Variants in PCDH11X observed in about 807,000 individuals in gnomAD.
The protein encoded by PCDH11X is protocadherin-11 X-linked.
A neutral mutation model predicts 53.3 loss-of-function variants in PCDH11X; 18 were observed. That is an observed-to-expected ratio of 0.34 (90% CI 0.23 to 0.50). PCDH11X has a LOEUF of 0.50. PCDH11X is among the 20% of genes least tolerant of loss of function. The pLI is 0.98. For missense variants in PCDH11X, 570 were observed against 1,032.4 expected, an observed-to-expected ratio of 0.55 and a Z score of 6.14; for synonymous variants, 279 against 393.3, an observed-to-expected ratio of 0.71 and a Z score of 3.44.
intron 9 of PCDH11X, among the ~76,000 whole-genome samples, chrX:92,418,905 G>A (rs1216053208): frequency 9.4e-6 from 1 of 106,532 alleles, no homozygotes; most frequent in South Asian, 4.3e-4. Flanking sequence ...CCTCTAACCA[G>A]TGCTTTCGTT....
At chrX:91,903,101 C>A (rs1941014584) in intron 6 of PCDH11X, among the ~76,000 whole-genome samples, 1 of 111,139 alleles carries the variant, frequency 9.0e-6, no homozygotes, top group African/African-American at 3.3e-5. Flanking sequence ...TTTGGTAAAG[C>A]TGTTATTTAA....
chrX:92,052,705 A>G lies in PCDH11X; in HGVS notation c.3034-148670A>G, dbSNP rs559661808. ...AAACCACAAGAAGCATTATATGTTA[A>G]CATCATCAATTTTCAGATATATTCT... is the stretch of plus-strand genomic sequence containing the variant. On this transcript the variant is annotated intron_variant, in intron 6 of 10. Coordinates refer to ENST00000682573, the MANE Select transcript of PCDH11X (RefSeq NM_032968.5). Among the ~76,000 whole-genome samples, 12 of 80,037 alleles carry G rather than the reference A, an allele frequency of 1.5e-4. 1 individual carries two copies. The South Asian group carries it at 9.6e-3, about 64-fold the overall frequency. The allele number at this position is 80,037 out of a possible 115,157, so 69.5% of individuals were successfully genotyped here. A position where few individuals can be genotyped will look rare whatever the true frequency, so the allele number is the denominator to read the frequency against.
chrX:92,103,710 G>T (rs1211457020), intron 6 of PCDH11X, among the ~76,000 whole-genome samples: 3 of 112,384 alleles, frequency 2.7e-5, no homozygotes, highest in Non-Finnish European at 5.6e-5. Context: ...AAGTTCCTGG[G>T]GGAGAAGGTT....
In PCDH11X at chrX:92,473,041, G is replaced by GTT. The variant is rs1436685896; in HGVS notation, c.3367+4729_3367+4730dup. On this transcript the variant is annotated intron_variant, in intron 10 of 10. Coordinates refer to ENST00000682573, the MANE Select transcript of PCDH11X (RefSeq NM_032968.5). ...GGCTGAAAAAATGTGTTTTTTGTTT[G>GTT]TTTTTTTTTTTAGATATAGGGTCAT... Among the ~76,000 whole-genome samples, 3 of 96,348 alleles carry GTT rather than the reference G, an allele frequency of 3.1e-5. 1 individual carries two copies. The highest frequency in any genetic ancestry group is 6.3e-5 in the Non-Finnish European group (3 of 47,765). 83.7% of individuals were successfully genotyped at this position (96,348 alleles called of 115,157 possible).
intron 5 of PCDH11X, 28 bp downstream of exon 5, chrX:91,836,072 A>T: frequency 8.6e-7 from 1 of 1,159,147 alleles, no homozygotes; most frequent in Non-Finnish European, 1.2e-6. Context: ...TTTGTTAAAG[A>T]TATCATCTCA....
In PCDH11X at chrX:92,232,965, G is replaced by A. The variant is rs768612885; in HGVS notation, c.3115-30149G>A. Among the ~76,000 whole-genome samples the A allele has an allele frequency of 1.4e-4, 16 of 111,096 alleles. No individual in the cohort carries two copies. In the South Asian group the frequency reaches 2.3e-3, roughly 16 times the overall value. ...CTCCCGACCTCCTGATCCGCCCACCGCGGCCTCCCAAAGTGCTGGGATTAC... is the reference window on the plus strand; with the variant it reads ...CTCCCGACCTCCTGATCCGCCCACCACGGCCTCCCAAAGTGCTGGGATTAC... On this transcript the variant is annotated intron_variant, in intron 7 of 10. Transcript: ENST00000682573.
intron 7 of PCDH11X, among the ~76,000 whole-genome samples, chrX:92,226,398 C>A (rs1306973334): frequency 1.8e-5 from 2 of 111,256 alleles, no homozygotes; most frequent in Non-Finnish European, 3.8e-5. Context: ...TTCTTCTTGT[C>A]CTGTCTATGC....
chrX:92,594,425 C>T (rs1162863754), intron 10 of PCDH11X, among the ~76,000 whole-genome samples: 1 of 110,218 alleles, frequency 9.1e-6, no homozygotes, highest in Admixed American at 9.7e-5. Context: ...CTTTTTTGGG[C>T]TGTATTTGCA....
At chrX:92,030,611 A>G (rs946264606) in intron 6 of PCDH11X, among the ~76,000 whole-genome samples, 3 of 109,348 alleles carry the variant, frequency 2.7e-5, no homozygotes, top group African/African-American at 1.0e-4. Context: ...TTTTTTACCC[A>G]TTAACCATCC....
At chrX:92,329,344 T>C (rs2069409270) in intron 8 of PCDH11X, among the ~76,000 whole-genome samples, 1 of 111,306 alleles carries the variant, frequency 9.0e-6, no homozygotes, top group South Asian at 3.8e-4. Flanking sequence ...ATGATAAGAC[T>C]GAATGCTTTT....
intron 9 of PCDH11X, among the ~76,000 whole-genome samples, chrX:92,449,773 G>T (rs1292189244): frequency 9.1e-6 from 1 of 110,250 alleles, no homozygotes. Context: ...CTCTTTGTTA[G>T]ACTCTCAGCT....
intron 9 of PCDH11X, among the ~76,000 whole-genome samples, chrX:92,447,915 C>T (rs771967967): frequency 1.2e-4 from 13 of 111,239 alleles, no homozygotes; most frequent in Admixed American, 3.8e-4. Flanking sequence ...CAGCATGACC[C>T]GGAAGTGAGA....
At chrX:92,207,797 C>CA (rs2066502825) in intron 7 of PCDH11X, among the ~76,000 whole-genome samples, 1 of 110,359 alleles carries the variant, frequency 9.1e-6, no homozygotes, top group Admixed American at 9.7e-5. Flanking sequence ...TGACTTCTGG[C>CA]AAAAAAGGAC....
At chrX:91,980,761 T>A (rs1275236387) in intron 6 of PCDH11X, among the ~76,000 whole-genome samples, 1 of 108,490 alleles carries the variant, frequency 9.2e-6, no homozygotes, top group Non-Finnish European at 1.9e-5. Flanking sequence ...TATAGAGCAT[T>A]TTATGTTGCT....
At chrX:92,156,244 C>A (rs770595866) in intron 6 of PCDH11X, among the ~76,000 whole-genome samples, 20 of 109,688 alleles carry the variant, frequency 1.8e-4, no homozygotes, top group Middle Eastern at 4.6e-3. Context: ...TCCTATCCGC[C>A]CCCCCATTCC....
intron 6 of PCDH11X, among the ~76,000 whole-genome samples, chrX:92,045,842 G>A (rs2063278448): frequency 9.2e-6 from 1 of 108,831 alleles, no homozygotes; most frequent in African/African-American, 3.4e-5. Flanking sequence ...GGGGGGCTGA[G>A]GCAGGAGGAT....
At chrX:92,078,602 C>T (rs973414760) in intron 6 of PCDH11X, among the ~76,000 whole-genome samples, 1 of 110,769 alleles carries the variant, frequency 9.0e-6, no homozygotes, top group Admixed American at 9.7e-5. Context: ...TCTCGATTAA[C>T]AGTACTTTAC....
intron 9 of PCDH11X, among the ~76,000 whole-genome samples, chrX:92,417,597 AG>A (rs973756587): frequency 3.6e-5 from 4 of 111,474 alleles, no homozygotes; most frequent in African/African-American, 1.3e-4. Flanking sequence ...TTCAATGTTC[AG>A]GGAGTCCTAA....
At chrX:92,024,753 G>C (rs1286060908) in intron 6 of PCDH11X, among the ~76,000 whole-genome samples, 8 of 90,736 alleles carry the variant, frequency 8.8e-5, no homozygotes, top group Non-Finnish European at 1.8e-4. Context: ...CAAAAACAAA[G>C]CTGGAGGCAT....
Sources: allele counts gnomAD v4.1 joint callset (sites outside exome capture counted in the v4.1 genomes callset), GRCh38; gene constraint gnomAD v4.1.1; transcripts MANE v1.5; gene names NCBI Gene and HGNC (gene_info 2026-07-23, HGNC 2026-07-21).